Variants in ALCAM observed in about 807,000 individuals in gnomAD.
ALCAM encodes the protein activated leukocyte cell adhesion molecule, also known as CD166 antigen.
Under a neutral mutation model 70.9 loss-of-function variants are expected in ALCAM, and 30 were observed. The observed-to-expected ratio is 0.42, with a 90% CI of 0.32 to 0.57. The LOEUF is 0.57. Ranked by LOEUF, ALCAM falls within the 20% of genes least tolerant of loss-of-function variation. The pLI is 0.11. For missense variants in ALCAM, 591 were observed against 695.1 expected (o/e 0.85, Z 1.68); for synonymous variants, 249 against 242.5 (o/e 1.03, Z -0.25).
intron 1 of ALCAM, among the ~76,000 whole-genome samples, chr3:105,404,844 C>T (rs1936181119): frequency 6.6e-6 from 1 of 152,150 alleles, no homozygotes; most frequent in Admixed American, 6.5e-5. Context: ...CTTCAGGAGA[C>T]TCACCTAACA....
chr3:105,544,156 T>C (rs1940186815), intron 8 of ALCAM, among the ~76,000 whole-genome samples: 1 of 151,630 alleles, frequency 6.6e-6, no homozygotes, highest in South Asian at 2.1e-4. Context: ...AGCATGGTCC[T>C]CTTCAGTCTG....
chr3:105,532,273 T>A lies in ALCAM; in HGVS notation c.459+207T>A, dbSNP rs140332204. On this transcript the variant is annotated intron_variant, in intron 4 of 15. Coordinates refer to ENST00000306107, the MANE Select transcript of ALCAM (RefSeq NM_001627.4). ...CATGAGGACATCAAGGAAGGTGGGG[T>A]CATTTCTGAAAAGAGGAGTCTTTCT... 8.2e-3 allele frequency among the ~76,000 whole-genome samples: 1,243 copies of A among 152,060 alleles called. 9 individuals are homozygous for A. Among genetic ancestry groups the A allele is most frequent in the Middle Eastern group, 0.01 (3 of 294 alleles).
chr3:105,433,878 A>C (rs1276755481), intron 1 of ALCAM, among the ~76,000 whole-genome samples: 2 of 151,298 alleles, frequency 1.3e-5, no homozygotes, highest in African/African-American at 4.9e-5. Context: ...GAATCTACCA[A>C]TTAAAGTCTA....
At chr3:105,495,807 A>C (rs1938721876) in intron 1 of ALCAM, among the ~76,000 whole-genome samples, 1 of 152,230 alleles carries the variant, frequency 6.6e-6, no homozygotes. Context: ...AAGTTAAGGG[A>C]ATTAAAAATC....
At chr3:105,482,158 G>C (rs555215170) in intron 1 of ALCAM, among the ~76,000 whole-genome samples, 1 of 151,996 alleles carries the variant, frequency 6.6e-6, no homozygotes, top group Admixed American at 6.6e-5. Flanking sequence ...TGTCGCCCAC[G>C]CTAGAATGCA....
Position 105,495,653 on chromosome 3 carries a change from A to C in ALCAM, c.74-24414A>C, listed in dbSNP as rs78675678. 9.1e-3 allele frequency among the ~76,000 whole-genome samples: 1,379 copies of C among 152,292 alleles called. 16 individuals are homozygous for C. Among genetic ancestry groups the C allele is most frequent in the African/African-American group, 0.015 (632 of 41,568 alleles). ...CTTAAAGTATGCAAAGCACGGTGGA[A>C]TAATACATTTTACACAGCACGCACT... On this transcript the variant is annotated intron_variant, in intron 1 of 15. Transcript: ENST00000306107.
intron 1 of ALCAM, 125 bp downstream of exon 1, chr3:105,367,606 T>A: frequency 9.0e-7 from 1 of 1,113,852 alleles, no homozygotes; most frequent in Non-Finnish European, 1.3e-6. Context: ...AGGGGACCGC[T>A]GTCCTGGCAC....
intron 1 of ALCAM, among the ~76,000 whole-genome samples, chr3:105,505,725 A>G (rs1939055159): frequency 6.6e-6 from 1 of 152,236 alleles, no homozygotes; most frequent in Non-Finnish European, 1.5e-5. Context: ...GGCACAGATC[A>G]GTAATAAATA....
At chr3:105,389,398 T>TG (rs1553718636) in intron 1 of ALCAM, among the ~76,000 whole-genome samples, 1 of 127,892 alleles carries the variant, frequency 7.8e-6, no homozygotes, top group African/African-American at 2.7e-5. Flanking sequence ...TTTTTTTTTT[T>TG]CTAAAAAACA....
intron 14 of ALCAM, among the ~76,000 whole-genome samples, chr3:105,569,518 G>A (rs1318671683): frequency 6.6e-6 from 1 of 152,040 alleles, no homozygotes; most frequent in Non-Finnish European, 1.5e-5. Context: ...TTTCAATGTA[G>A]TATTTTGTCA....
At chr3:105,503,818 T>C (rs1046227353) in intron 1 of ALCAM, among the ~76,000 whole-genome samples, 4 of 152,188 alleles carry the variant, frequency 2.6e-5, no homozygotes, top group Non-Finnish European at 5.9e-5. Flanking sequence ...ATTATACCCT[T>C]GCTCCAGCCT....
At chr3:105,474,772 T>C (rs1938053307) in intron 1 of ALCAM, among the ~76,000 whole-genome samples, 1 of 151,768 alleles carries the variant, frequency 6.6e-6, no homozygotes, top group Non-Finnish European at 1.5e-5. Context: ...ATTTAAATGT[T>C]TAATAGTTTA....
intron 4 of ALCAM, 122 bp downstream of exon 4, chr3:105,532,188 A>G (rs1576225645): frequency 1.2e-6 from 1 of 809,184 alleles, no homozygotes; most frequent in African/African-American, 1.7e-5. Flanking sequence ...TGTTGCAGCT[A>G]CCAATCAGAA....
chr3:105,501,183 G>A (rs527942662), intron 1 of ALCAM, among the ~76,000 whole-genome samples: 4 of 152,266 alleles, frequency 2.6e-5, no homozygotes, highest in Admixed American at 2.0e-4. Flanking sequence ...TATCATTAGC[G>A]AGAGTGACTG....
At chr3:105,550,402 G>T in intron 12 of ALCAM, 143 bp downstream of exon 12, 1 of 867,208 alleles carries the variant, frequency 1.2e-6, no homozygotes, top group Non-Finnish European at 1.7e-6. Context: ...ATCATCATAA[G>T]GTTATTTTTT....
At chr3:105,546,517 T>G (rs1940251645) in intron 9 of ALCAM, among the ~76,000 whole-genome samples, 2 of 151,414 alleles carry the variant, frequency 1.3e-5, no homozygotes, top group South Asian at 4.1e-4. Flanking sequence ...TTTGTAGTAA[T>G]CAGTGATCAC....
At chr3:105,413,497 G>A (rs560586139) in intron 1 of ALCAM, among the ~76,000 whole-genome samples, 4 of 152,000 alleles carry the variant, frequency 2.6e-5, no homozygotes, top group Admixed American at 6.6e-5. Context: ...TAGAATATGC[G>A]CAGACTCTAG....
rs372433032 is a variant in ALCAM, at chr3:105,443,969, A to G, written c.74-76098A>G. Among the ~76,000 whole-genome samples, 132 of 152,354 alleles carry G rather than the reference A, an allele frequency of 8.7e-4. 1 individual carries two copies. In the South Asian group the frequency reaches 9.9e-3, roughly 11 times the overall value. On this transcript the variant is annotated intron_variant, in intron 1 of 15. Transcript: ENST00000306107. ...GATAAAGAAATTCTAGGGTAATTTT[A>G]TAGCACAGTATAAGTGCTGAACTTG...
chr3:105,559,707 C>A (rs1940593693), intron 14 of ALCAM, among the ~76,000 whole-genome samples: 1 of 152,136 alleles, frequency 6.6e-6, no homozygotes, highest in Admixed American at 6.5e-5. Flanking sequence ...CCTTAGACTT[C>A]TTTTTTGTCC....
Sources: gnomAD v4.1 joint callset for allele counts (sites outside exome capture counted in the v4.1 genomes callset) on GRCh38, gnomAD v4.1.1 for gene constraint, MANE v1.5 for transcripts, NCBI Gene and HGNC (gene_info 2026-07-23, HGNC 2026-07-21) for gene names.